Variants in KIF1B observed in about 807,000 individuals in gnomAD.
KIF1B encodes kinesin-like protein KIF1B.
A neutral mutation model predicts 241.9 loss-of-function variants in KIF1B; 76 were observed. The ratio of observed to expected loss-of-function variants is 0.31; its 90% confidence interval spans 0.26 to 0.38. The LOEUF is 0.38. Ranked by LOEUF, KIF1B falls within the 10% of genes least tolerant of loss-of-function variation. The pLI is 1.00. For synonymous variants in KIF1B, 750 were observed against 796.7 expected, an observed-to-expected ratio of 0.94 and a Z score of 0.99; for missense variants, 1,622 against 2,271.4, an observed-to-expected ratio of 0.71 and a Z score of 5.81.
At chr1:10,334,489 C>T in intron 27 of KIF1B, 31 bp from the exon 28 acceptor site, 1 of 1,492,344 alleles carries the variant, frequency 6.7e-7, no homozygotes, top group Non-Finnish European at 9.3e-7. Context: ...CATGGATGTT[C>T]TGACATTTGT....
chr1:10,365,338 C>CT lies in KIF1B; in HGVS notation c.4513-67dup. ...TCCCCGCTGCTGCATGTGATCATAG[C>CT]TTTTCACTTTTCTCTCCTGAGGTCT... On this transcript the variant is annotated intron_variant, in intron 42 of 48. Transcript: ENST00000676179. The surrounding 1 kb of genome is among the most constrained non-coding windows in gnomAD (Gnocchi z 4.0). 1 of 1,613,818 alleles carries CT rather than the reference C, an allele frequency of 6.2e-7. No homozygotes were observed. The highest frequency in any genetic ancestry group is 8.5e-7 in the Non-Finnish European group (1 of 1,179,800).
chr1:10,255,614 C>T (rs1024406616), intron 2 of KIF1B, among the ~76,000 whole-genome samples: 3 of 151,918 alleles, frequency 2.0e-5, no homozygotes, highest in Non-Finnish European at 2.9e-5. Context: ...ATAGAAATGT[C>T]GTTCATTTCC....
intron 2 of KIF1B, among the ~76,000 whole-genome samples, chr1:10,239,370 C>G (rs1260806289): frequency 6.6e-6 from 1 of 151,678 alleles, no homozygotes; most frequent in Non-Finnish European, 1.5e-5. Context: ...TTTTGGTTTG[C>G]TTTTTTTATT....
At chr1:10,313,937 C>T (rs1344942299) in intron 22 of KIF1B, among the ~76,000 whole-genome samples, 1 of 151,194 alleles carries the variant, frequency 6.6e-6, no homozygotes, top group East Asian at 1.9e-4. Flanking sequence ...TCTTGTTGCC[C>T]AGGCCGGAGT....
chr1:10,295,877 A>G, intron 19 of KIF1B, 111 bp downstream of exon 19: 1 of 944,508 alleles, frequency 1.1e-6, no homozygotes, highest in Admixed American at 2.0e-5. Flanking sequence ...ATACAATCTA[A>G]TTCTGAAAAA....
At chr1:10,305,137 A>G (rs769642195) in intron 22 of KIF1B, 18 of 1,058,438 alleles carry the variant, frequency 1.7e-5, no homozygotes, top group Non-Finnish European at 1.9e-5. Flanking sequence ...TGGATTTCTC[A>G]TCCACGTCTG....
Position 10,273,032 on chromosome 1 carries a change from G to C in KIF1B, c.882+1G>C, listed in dbSNP as rs1557680355. 17 of 1,544,444 alleles carry C rather than the reference G, an allele frequency of 1.1e-5. No individual in the cohort carries two copies. On this transcript the variant is annotated splice_donor_variant, in intron 10 of 48. Coordinates refer to ENST00000676179, the MANE Select transcript of KIF1B (RefSeq NM_001365951.3). LOFTEE classifies it high-confidence loss of function. ...CCTGTAGGATAACTGCACTAGCAAG[G>C]TACAGTGGGGATTGGTAGAGATAAA...
rs1301962541 is a variant in KIF1B, at chr1:10,326,171, T to G, written c.2736T>G (p.Thr912=). 2 of 1,614,018 alleles carry G rather than the reference T, an allele frequency of 1.2e-6. No individual in the cohort carries two copies. The highest frequency in any genetic ancestry group is 1.7e-6 in the Non-Finnish European group (2 of 1,179,986). Residue 912 remains threonine (T), a synonymous_variant, in exon 27 of 49, where the codon ACT becomes ACG. Coordinates refer to ENST00000676179, the MANE Select transcript of KIF1B (RefSeq NM_001365951.3). The surrounding 1 kb of genome is among the most constrained non-coding windows in gnomAD (Gnocchi z 5.2). ...TTGCCGACCGCACACCCTCCCCCAC[T>G]TTTTCCACGGCCGATTCCGACATCA... is the stretch of plus-strand genomic sequence containing the variant. ...ERLADRTPSP[T]FSTADSDITE...
In KIF1B at chr1:10,374,752, C is replaced by T. The variant is rs892046271; in HGVS notation, c.5097-102C>T. Reference sequence around the variant, plus strand: ...CAAATAGGTCATTTGCCTGTTTCATCGAATCTAAGGACTTGGCCTAAGTGT... The same window carrying T: ...CAAATAGGTCATTTGCCTGTTTCATTGAATCTAAGGACTTGGCCTAAGTGT... On this transcript the variant is annotated intron_variant, in intron 46 of 48. Transcript: ENST00000676179. The surrounding 1 kb of genome is among the most constrained non-coding windows in gnomAD (Gnocchi z 4.3). 42 of 1,162,170 alleles carry T rather than the reference C, an allele frequency of 3.6e-5. No homozygotes were observed. Among genetic ancestry groups the T allele is most frequent in the Admixed American group, 7.4e-5 (4 of 53,740 alleles). 72.0% of individuals were successfully genotyped at this position (1,162,170 alleles called of 1,614,324 possible). A position where few individuals can be genotyped will look rare whatever the true frequency, so the allele number is the denominator to read the frequency against.
intron 31 of KIF1B, among the ~76,000 whole-genome samples, chr1:10,338,245 G>A (rs967885612): frequency 6.6e-6 from 1 of 152,154 alleles, no homozygotes; most frequent in Admixed American, 6.5e-5. Flanking sequence ...CCAAGAGGCT[G>A]CTTTGGGTTC....
chr1:10,368,770 G>A (rs1368938100), intron 44 of KIF1B, among the ~76,000 whole-genome samples: 1 of 152,232 alleles, frequency 6.6e-6, no homozygotes, highest in African/African-American at 2.4e-5. Context: ...GTGATTATCA[G>A]ATGGGAAACA....
In KIF1B at chr1:10,258,654, G is replaced by A. The variant is rs1647936052; in HGVS notation, c.345G>A (p.Gln115=). The part of the protein sequence containing the change: ...YTMMGKQEES[Q]AGIIPQLCEE... Reference sequence around the variant, plus strand: ...TGATGGGTAAACAAGAAGAAAGCCAGGCTGGCATCATTCCACAGGTGAAAA... The same window carrying A: ...TGATGGGTAAACAAGAAGAAAGCCAAGCTGGCATCATTCCACAGGTGAAAA... The change falls in exon 4 of 49, where the codon CAG becomes CAA. Residue 115 remains glutamine, a synonymous_variant. Coordinates refer to ENST00000676179, the MANE Select transcript of KIF1B (RefSeq NM_001365951.3). The A allele has an allele frequency of 1.2e-6, 2 of 1,614,010 alleles. No homozygotes were observed. The highest frequency in any genetic ancestry group is 2.7e-5 in the African/African-American group (2 of 74,914).
chr1:10,292,020 G>C (rs1181915012), intron 16 of KIF1B, 27 bp from the exon 17 acceptor site: 2 of 1,597,116 alleles, frequency 1.3e-6, no homozygotes, highest in Non-Finnish European at 1.7e-6. Context: ...TGGTATTAGT[G>C]TTCTGATATA....
At chr1:10,288,383 C>T (rs1189701045) in intron 15 of KIF1B, among the ~76,000 whole-genome samples, 1 of 152,174 alleles carries the variant, frequency 6.6e-6, no homozygotes, top group African/African-American at 2.4e-5. Context: ...TCTAGTATGA[C>T]ACTTTTGTTC....
In KIF1B at chr1:10,378,184, A is replaced by G. The variant is rs1204678069; in HGVS notation, c.*1597A>G. 1 of 623,630 alleles carries G rather than the reference A, an allele frequency of 1.6e-6. No homozygotes were observed. Among genetic ancestry groups the G allele is most frequent in the African/African-American group, 1.8e-5 (1 of 54,158 alleles). The allele number at this position is 623,630 out of a possible 1,614,324, so 38.6% of individuals were successfully genotyped here. ...ACTAACCGTGACCACTACTCCAAAC[A>G]AAACACAATATGCCTAGGGGCACGG... On this transcript the variant is annotated 3_prime_UTR_variant, in exon 49 of 49. Transcript: ENST00000676179.
At chr1:10,258,431 CAAGT>C in intron 3 of KIF1B, 58 bp from the exon 4 acceptor site, 2 of 1,526,132 alleles carry the variant, frequency 1.3e-6, no homozygotes, top group South Asian at 2.3e-5. Context: ...TGGAAGCAAT[CAAGT>C]AAGTATAGGA....
At chr1:10,299,508 A>G (rs1389537208) in intron 22 of KIF1B, among the ~76,000 whole-genome samples, 1 of 152,228 alleles carries the variant, frequency 6.6e-6, no homozygotes, top group African/African-American at 2.4e-5. Context: ...ATTACCCTGT[A>G]TTGGTCAATT....
At chr1:10,262,462 T>C (rs1648205460) in intron 5 of KIF1B, among the ~76,000 whole-genome samples, 1 of 152,238 alleles carries the variant, frequency 6.6e-6, no homozygotes, top group Non-Finnish European at 1.5e-5. Flanking sequence ...ATTAAATCTT[T>C]GTTCATAAGT....
chr1:10,283,912 CG>C (rs1276992282), intron 15 of KIF1B, among the ~76,000 whole-genome samples: 1 of 152,114 alleles, frequency 6.6e-6, no homozygotes, highest in Non-Finnish European at 1.5e-5. Flanking sequence ...AAAGGCTTGC[CG>C]AAAAACTCTT....
Sources: allele counts gnomAD v4.1 joint callset (sites outside exome capture counted in the v4.1 genomes callset), GRCh38; gene constraint gnomAD v4.1.1; non-coding constraint Gnocchi (gnomAD v3.1); transcripts MANE v1.5; gene names NCBI Gene and HGNC (gene_info 2026-07-23, HGNC 2026-07-21).